CHST8: variants seen among roughly 807,000 people sequenced by gnomAD.
CHST8 encodes the protein GALNAC-4-ST1.
In CHST8, 10 loss-of-function variants were observed where a neutral mutation model predicts 15.0. The observed-to-expected ratio is 0.67, with a 90% CI of 0.41 to 1.13. The LOEUF (loss-of-function observed/expected upper bound fraction) is 1.13, where lower values mean the gene tolerates loss of function less well. Ranked by LOEUF, CHST8 falls within the 50% of genes most tolerant of loss-of-function variation. The pLI, the probability that CHST8 is intolerant of heterozygous loss-of-function variation, is 0.00. For synonymous variants in CHST8, 259 were observed against 256.6 expected (o/e 1.01, Z -0.09); for missense variants, 634 against 608.2 (o/e 1.04, Z -0.45).
At chr19:33,640,411 G>A (rs908302846) in intron 1 of CHST8, among the ~76,000 whole-genome samples, 2 of 152,174 alleles carry the variant, frequency 1.3e-5, no homozygotes, top group East Asian at 3.9e-4. Flanking sequence ...ACCTCTCCAG[G>A]TCTGTCCGTT....
At chr19:33,649,306 G>A (rs1047488406) in intron 1 of CHST8, among the ~76,000 whole-genome samples, 3 of 152,104 alleles carry the variant, frequency 2.0e-5, no homozygotes, top group Non-Finnish European at 4.4e-5. Context: ...TCTCATTGGG[G>A]ATGCATCTTT....
In CHST8 at chr19:33,679,721, G is replaced by A. The variant is rs78038998; in HGVS notation, c.-86-9455G>A. ...ATCTGGGGTGGCGCTTATTTCTTGT[G>A]TGTAACCTTGGCCATATTTAGTCTC... On this transcript the variant is annotated intron_variant, in intron 2 of 4. Transcript: ENST00000650847. 2.8e-4 allele frequency among the ~76,000 whole-genome samples: 43 copies of A among 152,320 alleles called. 1 individual carries two copies. In the East Asian group the frequency reaches 7.5e-3, roughly 27 times the overall value.
chr19:33,711,032 A>G (rs1568338179), intron 3 of CHST8, among the ~76,000 whole-genome samples: 1 of 152,044 alleles, frequency 6.6e-6, no homozygotes, highest in Non-Finnish European at 1.5e-5. Flanking sequence ...GACCATGTCC[A>G]GCTAATTTCT....
chr19:33,704,068 A>G (rs1037620109), intron 3 of CHST8, among the ~76,000 whole-genome samples: 8 of 152,018 alleles, frequency 5.3e-5, no homozygotes, highest in African/African-American at 1.9e-4. Flanking sequence ...GGCATTTTTC[A>G]GCCCTCCCCA....
intron 3 of CHST8, among the ~76,000 whole-genome samples, chr19:33,768,306 G>T (rs1974893420): frequency 6.6e-6 from 1 of 152,148 alleles, no homozygotes; most frequent in African/African-American, 2.4e-5. Context: ...CAGGTATGGT[G>T]GCTCGCACCT....
rs558009314 is a variant in CHST8 at position 33,772,126 on chromosome 19, G to A, written c.338G>A (p.Arg113His). Residue 113 changes from arginine (R) to histidine (H), a missense_variant, in exon 5 of 5, where the codon CGT becomes CAT. Transcript: ENST00000650847. ...CTGCGGCTCCGCCAGCGCCGTCGCCGTCTGCTCATCAAGAAAATGCCAGCT... is the reference window on the plus strand; with the variant it reads ...CTGCGGCTCCGCCAGCGCCGTCGCCATCTGCTCATCAAGAAAATGCCAGCT... ...TRLRLRQRRR[R>H]LLIKKMPAAA... The A allele has an allele frequency of 6.2e-6, 10 of 1,609,896 alleles. No individual in the cohort carries two copies. In the African/African-American group the frequency reaches 8.0e-5, roughly 13 times the overall value.
Position 33,772,805 on chromosome 19 carries a change from C to T in CHST8, c.1017C>T (p.Leu339=). 2 of 1,613,580 alleles carry T rather than the reference C, an allele frequency of 1.2e-6. No individual in the cohort carries two copies. The highest frequency in any genetic ancestry group is 2.2e-5 in the East Asian group (1 of 44,868). The change falls in exon 5 of 5, where the codon CTC becomes CTT. Residue 339 remains leucine, a synonymous_variant. Coordinates refer to ENST00000650847, the MANE Select transcript of CHST8 (RefSeq NM_001127895.2). ...TCAGCCGGCTCTGCAGCCCCTGCCT[C>T]ATCGACTACGATTTCGTAGGCAAGT... ...DHVSRLCSPC[L]IDYDFVGKFE... is the part of the protein sequence containing the mutation.
intron 3 of CHST8, among the ~76,000 whole-genome samples, chr19:33,718,268 G>A (rs1284316474): frequency 1.8e-5 from 2 of 114,242 alleles, no homozygotes; most frequent in Non-Finnish European, 3.8e-5. Context: ...GCCCAGGCTG[G>A]ACTACAGTGG....
Position 33,772,941 on chromosome 19 carries a change from G to A in CHST8, c.1153G>A (p.Ala385Thr), listed in dbSNP as rs1975039369. ...DRHSQEARTT[A>T]RIAHQYFAQL... The stretch of plus-strand genomic sequence containing the variant: ...GCACTCGCAGGAGGCGCGGACCACA[G>A]CGAGGATCGCCCACCAGTACTTCGC... Residue 385 changes from alanine (A) to threonine (T), a missense_variant, in exon 5 of 5, where the codon GCG (alanine) becomes ACG (threonine). Physicochemically the swap from Ala to Thr is moderately conservative, Grantham distance 58. Coordinates refer to ENST00000650847, the MANE Select transcript of CHST8 (RefSeq NM_001127895.2). The A allele has an allele frequency of 6.2e-7, 1 of 1,613,460 alleles. No homozygotes were observed. Among genetic ancestry groups the A allele is most frequent in the Non-Finnish European group, 8.5e-7 (1 of 1,180,030 alleles).
At chr19:33,656,986 C>A (rs967981775) in intron 1 of CHST8, among the ~76,000 whole-genome samples, 3 of 151,988 alleles carry the variant, frequency 2.0e-5, no homozygotes, top group African/African-American at 7.3e-5. Context: ...CACACACAGG[C>A]CTATGTAAAA....
intron 3 of CHST8, among the ~76,000 whole-genome samples, chr19:33,718,259 C>G (rs921589037): frequency 1.2e-4 from 16 of 133,548 alleles, no homozygotes; most frequent in Non-Finnish European, 1.6e-5. Context: ...TGCTCTGTTG[C>G]CCAGGCTGGA....
chr19:33,673,817 G>C (rs866952067), intron 2 of CHST8, among the ~76,000 whole-genome samples: 55 of 152,288 alleles, frequency 3.6e-4, no homozygotes, highest in African/African-American at 1.3e-3. Context: ...GCAGTGGCAT[G>C]ATCTTGGCTC....
intron 1 of CHST8, among the ~76,000 whole-genome samples, chr19:33,631,241 A>G (rs1399945368): frequency 2.6e-5 from 4 of 151,932 alleles, no homozygotes; most frequent in Non-Finnish European, 4.4e-5. Flanking sequence ...CCTTTTTCCT[A>G]TGTGATTCTT....
At chr19:33,643,207 T>C (rs2145202761) in intron 1 of CHST8, among the ~76,000 whole-genome samples, 1 of 152,336 alleles carries the variant, frequency 6.6e-6, no homozygotes, top group East Asian at 1.9e-4. Flanking sequence ...GCGGGCCTAT[T>C]TTTTCTCATA....
chr19:33,762,639 A>G (rs1974758256), intron 3 of CHST8, among the ~76,000 whole-genome samples: 1 of 152,236 alleles, frequency 6.6e-6, no homozygotes. Context: ...AAAGGGAACC[A>G]GGTGATCAGC....
intron 3 of CHST8, among the ~76,000 whole-genome samples, chr19:33,741,530 T>C (rs1021041930): frequency 2.0e-5 from 3 of 152,142 alleles, no homozygotes; most frequent in African/African-American, 7.2e-5. Context: ...CCCTAGCAAA[T>C]ATACCATCAT....
At chr19:33,690,405 C>CA (rs2145259194) in intron 3 of CHST8, among the ~76,000 whole-genome samples, 1 of 152,304 alleles carries the variant, frequency 6.6e-6, no homozygotes, top group East Asian at 1.9e-4. Context: ...TCTTACTCTG[C>CA]AACCGCTCCG....
intron 3 of CHST8, among the ~76,000 whole-genome samples, chr19:33,750,501 G>A (rs908965356): frequency 6.8e-6 from 1 of 146,524 alleles, no homozygotes; most frequent in East Asian, 2.3e-4. Flanking sequence ...CCCACACCCC[G>A]CCCCTGTATC....
At chr19:33,650,031 T>C (rs987253697) in intron 1 of CHST8, among the ~76,000 whole-genome samples, 2 of 152,076 alleles carry the variant, frequency 1.3e-5, no homozygotes, top group Admixed American at 6.6e-5. Flanking sequence ...TGGCCTTAGG[T>C]AATGTTTATA....
Sources: allele counts gnomAD v4.1 joint callset (sites outside exome capture counted in the v4.1 genomes callset), GRCh38; gene constraint gnomAD v4.1.1; transcripts MANE v1.5; gene names NCBI Gene and HGNC (gene_info 2026-07-23, HGNC 2026-07-21).